PKP4: variants seen among roughly 807,000 people sequenced by gnomAD.
The protein encoded by PKP4 is plakophilin 4, also known as plakophilin-4.
In PKP4, 90 loss-of-function variants were observed where a neutral mutation model predicts 145.1. That is an observed-to-expected ratio of 0.62 (90% CI 0.52 to 0.74). PKP4 has a LOEUF of 0.74. PKP4 is among the 30% of genes least tolerant of loss of function. The pLI is 0.00. For synonymous variants in PKP4, 563 were observed against 577.2 expected (o/e 0.98, Z 0.35); for missense variants, 1,340 against 1,482.7 (o/e 0.90, Z 1.58).
At chr2:158,628,214 C>T (rs941774267) in intron 7 of PKP4, among the ~76,000 whole-genome samples, 24 of 152,074 alleles carry the variant, frequency 1.6e-4, no homozygotes, top group African/African-American at 5.8e-4. Context: ...CTCTTGACCT[C>T]GTGATCTGCC....
intron 1 of PKP4, among the ~76,000 whole-genome samples, chr2:158,477,182 G>A (rs923930152): frequency 4.6e-5 from 7 of 152,156 alleles, no homozygotes; most frequent in Non-Finnish European, 7.4e-5. Flanking sequence ...TTGTAGAATC[G>A]CAAGCTTTTA....
chr2:158,501,974 G>T (rs1044476545), intron 1 of PKP4, among the ~76,000 whole-genome samples: 1 of 152,164 alleles, frequency 6.6e-6, no homozygotes, highest in African/African-American at 2.4e-5. Flanking sequence ...TTGGCATCAG[G>T]CAGTGTCTGA....
At chr2:158,553,107 A>C (rs1216565873) in intron 2 of PKP4, among the ~76,000 whole-genome samples, 1 of 152,238 alleles carries the variant, frequency 6.6e-6, no homozygotes, top group Admixed American at 6.5e-5. Context: ...AGAGCGTAGA[A>C]GGTACAGCCT....
intron 1 of PKP4, among the ~76,000 whole-genome samples, chr2:158,482,478 T>C (rs1461075141): frequency 6.6e-6 from 1 of 152,034 alleles, no homozygotes; most frequent in Non-Finnish European, 1.5e-5. Context: ...CTAAGGAAAA[T>C]GTCAGTGAAA....
At chr2:158,642,418 G>T in intron 10 of PKP4, 68 bp from the exon 11 acceptor site, 1 of 1,153,104 alleles carries the variant, frequency 8.7e-7, no homozygotes. Context: ...TCTCCATAAC[G>T]GACTTCTGTA....
chr2:158,555,936 T>G (rs4664250), intron 2 of PKP4, among the ~76,000 whole-genome samples: 4 of 152,044 alleles, frequency 2.6e-5, no homozygotes, highest in African/African-American at 9.7e-5. Context: ...CTTATTTTGG[T>G]CACTGCTGAT....
Position 158,621,352 on chromosome 2 carries a change from T to C in PKP4, c.534T>C (p.His178=). ...NVSKADNRQQ[H]SFIGSTNNHV... is the part of the protein sequence containing the mutation. ...GCAAGGCAGACAACAGACAGCAGCA[T>C]TCATTCATAGGATCAACTAACAACC... The change falls in exon 6 of 22, where the codon CAT becomes CAC. Residue 178 remains histidine (H), a synonymous_variant. Transcript: ENST00000389759. The C allele has an allele frequency of 6.2e-7, 1 of 1,614,094 alleles. No homozygotes were observed. The highest frequency in any genetic ancestry group is 8.5e-7 in the Non-Finnish European group (1 of 1,179,978).
At chr2:158,581,966 G>A (rs1052328630) in intron 3 of PKP4, among the ~76,000 whole-genome samples, 41 of 152,146 alleles carry the variant, frequency 2.7e-4, no homozygotes, top group African/African-American at 4.8e-5. Context: ...AATAAAACTA[G>A]CACTATCAAT....
chr2:158,618,301 A>G (rs936258001), intron 4 of PKP4, among the ~76,000 whole-genome samples: 1 of 152,224 alleles, frequency 6.6e-6, no homozygotes, highest in Non-Finnish European at 1.5e-5. Context: ...TAGGTCACAA[A>G]ACCTAAGTCC....
At chr2:158,628,091 C>T (rs2052992387) in intron 7 of PKP4, among the ~76,000 whole-genome samples, 1 of 151,978 alleles carries the variant, frequency 6.6e-6, no homozygotes, top group Non-Finnish European at 1.5e-5. Context: ...AGCGATTCTT[C>T]TGCCTCAGCC....
intron 20 of PKP4, 198 bp downstream of exon 20, chr2:158,677,065 T>TTGTATGTA: frequency 1.5e-6 from 1 of 657,966 alleles, no homozygotes; most frequent in East Asian, 3.0e-5. Context: ...ATGTACTTGT[T>TTGTATGTA]TGTATGTATG....
intron 3 of PKP4, among the ~76,000 whole-genome samples, chr2:158,581,621 TG>T (rs762277655): frequency 6.6e-6 from 1 of 152,164 alleles, no homozygotes; most frequent in Non-Finnish European, 1.5e-5. Context: ...CTTCCCCGAA[TG>T]GGTGGCTCTA....
intron 9 of PKP4, among the ~76,000 whole-genome samples, chr2:158,636,902 C>A (rs1305028224): frequency 6.6e-6 from 1 of 152,054 alleles, no homozygotes; most frequent in East Asian, 1.9e-4. Context: ...ACATCTTTTT[C>A]TTTAAGTCTT....
chr2:158,474,163 T>C (rs563563142), intron 1 of PKP4, among the ~76,000 whole-genome samples: 2 of 152,228 alleles, frequency 1.3e-5, no homozygotes, highest in African/African-American at 4.8e-5. Context: ...ACGACAGATA[T>C]TCTGCGTTTT....
chr2:158,508,194 T>TA (rs3048021), intron 1 of PKP4, among the ~76,000 whole-genome samples: 31,056 of 145,912 alleles, frequency 0.21, 3,358 homozygotes, highest in Middle Eastern at 0.33. Context: ...CCGTCTCTAT[T>TA]AAAAAAAAAA....
At chr2:158,657,135 G>A (rs1485574156) in intron 11 of PKP4, among the ~76,000 whole-genome samples, 1 of 152,160 alleles carries the variant, frequency 6.6e-6, no homozygotes, top group Non-Finnish European at 1.5e-5. Flanking sequence ...GGACTCTGGG[G>A]GGGACTTGAA....
At chr2:158,484,037 T>C (rs1419412932) in intron 1 of PKP4, among the ~76,000 whole-genome samples, 2 of 144,478 alleles carry the variant, frequency 1.4e-5, no homozygotes, top group South Asian at 2.2e-4. Flanking sequence ...TTTTTCTTTT[T>C]TTTTTTTTTT....
Position 158,606,478 on chromosome 2 carries a change from G to A in PKP4, c.280+3374G>A, listed in dbSNP as rs548093442. 1.4e-4 allele frequency among the ~76,000 whole-genome samples: 21 copies of A among 152,162 alleles called. No individual in the cohort carries two copies. In the South Asian group the frequency reaches 3.1e-3, roughly 23 times the overall value. Reference sequence around the variant, plus strand: ...TAACCTTACCAACTGCCTTCATCTCGACTTTCTTCTTTACTTTGTAAATAT... The same window carrying A: ...TAACCTTACCAACTGCCTTCATCTCAACTTTCTTCTTTACTTTGTAAATAT... On this transcript the variant is annotated intron_variant, in intron 4 of 21. Coordinates refer to ENST00000389759, the MANE Select transcript of PKP4 (RefSeq NM_003628.6).
At chr2:158,550,468 A>C (rs1288050235) in intron 2 of PKP4, among the ~76,000 whole-genome samples, 1 of 152,212 alleles carries the variant, frequency 6.6e-6, no homozygotes, top group Non-Finnish European at 1.5e-5. Flanking sequence ...GCAGTTTTCA[A>C]ACGGTGGTTG....
Sources: allele counts gnomAD v4.1 joint callset (sites outside exome capture counted in the v4.1 genomes callset), GRCh38; gene constraint gnomAD v4.1.1; transcripts MANE v1.5; gene names NCBI Gene and HGNC (gene_info 2026-07-23, HGNC 2026-07-21).